Variants in ZNF610 observed in about 807,000 individuals in gnomAD.
ZNF610 encodes the protein zink finger protein.
Under a neutral mutation model 14.1 loss-of-function variants are expected in ZNF610, and 14 were observed. The observed-to-expected ratio is 0.99, with a 90% CI of 0.65 to 1.55. ZNF610 has a LOEUF of 1.55. ZNF610 is among the 40% of genes most tolerant of loss of function. The pLI is 0.00. For synonymous variants in ZNF610, 185 were observed against 187.6 expected (o/e 0.99, Z 0.11); for missense variants, 530 against 558.0 (o/e 0.95, Z 0.51).
chr19:52,354,138 A>G (rs1985403382), intron 4 of ZNF610, 113 bp from the exon 5 acceptor site: 2 of 1,434,186 alleles, frequency 1.4e-6, no homozygotes, highest in Admixed American at 2.1e-5. Context: ...CTGTGGGTGA[A>G]CTTGTGAGAT....
intron 1 of ZNF610, among the ~76,000 whole-genome samples, chr19:52,345,775 A>G (rs201497104): frequency 3.6e-4 from 54 of 148,602 alleles, no homozygotes; most frequent in Non-Finnish European, 6.7e-4. Context: ...GGTGATCTCG[A>G]CTCACTGCAA....
chr19:52,351,468 A>T (rs995606962), intron 3 of ZNF610, among the ~76,000 whole-genome samples: 30 of 151,950 alleles, frequency 2.0e-4, no homozygotes, highest in Non-Finnish European at 4.0e-4. Context: ...AAAAAAAAAA[A>T]AGAAAGAAAT....
rs1489523646 is a variant in ZNF610 at position 52,366,463 on chromosome 19, A to T, written c.1085A>T (p.His362Leu). 6.2e-7 allele frequency: 1 copy of T among 1,614,248 alleles called. No individual in the cohort carries two copies. The highest frequency in any genetic ancestry group is 1.3e-5 in the African/African-American group (1 of 75,060). Residue 362 changes from histidine to leucine, a missense_variant, in exon 6 of 6, where the codon CAT becomes CTT. His to Leu is a moderately conservative substitution (Grantham distance 99). Transcript: ENST00000403906. ...VFSLLSYLAR[H>L]QIIHSTEKPY... is the part of the protein sequence containing the mutation. ...AGTCTGCTTTCATACCTTGCACGGC[A>T]TCAAATAATTCATAGTACAGAGAAG...
chr19:52,343,748 G>A (rs575258723), intron 1 of ZNF610, among the ~76,000 whole-genome samples: 1 of 152,096 alleles, frequency 6.6e-6, no homozygotes, highest in African/African-American at 2.4e-5. Flanking sequence ...GGTGTTGGTC[G>A]AGGCTTCGGA....
At chr19:52,349,697 G>A (rs1985154967) in intron 3 of ZNF610, among the ~76,000 whole-genome samples, 1 of 151,858 alleles carries the variant, frequency 6.6e-6, no homozygotes, top group South Asian at 2.1e-4. Flanking sequence ...AGCCTCCTGA[G>A]TAGCTGAGAT....
intron 1 of ZNF610, 137 bp from the exon 2 acceptor site, chr19:52,347,570 G>A (rs1157787302): frequency 6.6e-6 from 1 of 152,200 alleles, no homozygotes; most frequent in Non-Finnish European, 1.5e-5. Flanking sequence ...AGGCCGGAAT[G>A]CAGTGGTGCG....
At position 52,340,358 on chromosome 19, in the gene ZNF610, G is replaced by C. The variant is rs567450236; in HGVS notation, c.-258+3852G>C. Among the ~76,000 whole-genome samples the C allele has an allele frequency of 4.6e-5, 7 of 152,300 alleles. No homozygotes were observed. The East Asian group carries it at 1.4e-3, about 29-fold the overall frequency. On this transcript the variant is annotated intron_variant, in intron 1 of 5. Transcript: ENST00000403906. Reference sequence around the variant, plus strand: ...AGACCGCGCCACTGCACTCCAGCCTGGGCGACAGTGAAACTCCGTCTCAAA... The same window carrying C: ...AGACCGCGCCACTGCACTCCAGCCTCGGCGACAGTGAAACTCCGTCTCAAA...
In ZNF610 at chr19:52,354,410, A is replaced by G. The variant is rs200269546; in HGVS notation, c.319+31A>G. ...AGCTCTGATGGGCAGTGTGGAGGCC[A>G]TAGTTTTTATTTTTTTATTTTTGAG... On this transcript the variant is annotated intron_variant, in intron 5 of 5. Transcript: ENST00000403906. 203 of 1,598,280 alleles carry G rather than the reference A, an allele frequency of 1.3e-4. 1 individual carries two copies. Among genetic ancestry groups the G allele is most frequent in the Admixed American group, 1.6e-4 (9 of 55,412 alleles).
At chr19:52,347,660 A>G (rs1985025374) in intron 1 of ZNF610, 47 bp from the exon 2 acceptor site, 2 of 152,060 alleles carry the variant, frequency 1.3e-5, no homozygotes, top group Admixed American at 6.6e-5. Context: ...GGGACTACAG[A>G]TGTGTTCCAC....
rs1232426242 is a variant in ZNF610, at chr19:52,354,344, C to A, written c.284C>A (p.Thr95Lys). ...AGTCAAGTTAAAATAGTAAAAAATA[C>A]AGATGGAAGGGAATGTGTCAGAAGC... ...LQSQVKIVKN[T>K]DGRECVRSVN... The change falls in exon 5 of 6, where the codon ACA (threonine) becomes AAA (lysine). Residue 95 changes from threonine to lysine, a missense_variant. Physicochemically the swap from Thr to Lys is moderately conservative, Grantham distance 78 (BLOSUM62 -1). Coordinates refer to ENST00000403906, the MANE Select transcript of ZNF610 (RefSeq NM_001161425.2). 6.2e-7 allele frequency: 1 copy of A among 1,613,928 alleles called. No individual in the cohort carries two copies. The highest frequency in any genetic ancestry group is 1.7e-5 in the Admixed American group (1 of 59,970).
chr19:52,366,036 A>G lies in ZNF610; in HGVS notation c.658A>G (p.Thr220Ala). Residue 220 changes from threonine (T) to alanine (A), a missense_variant, in exon 6 of 6, where the codon ACT (threonine) becomes GCT (alanine). Transcript: ENST00000403906. The part of the protein sequence containing the change: ...GEVFRVRASL[T>A]NHQVIHTAEK... ...AGTTTTTAGAGTCCGTGCAAGCCTT[A>G]CTAACCATCAAGTAATCCATACTGC... The G allele has an allele frequency of 6.2e-7, 1 of 1,614,128 alleles. No homozygotes were observed. The highest frequency in any genetic ancestry group is 8.5e-7 in the Non-Finnish European group (1 of 1,180,020).
At chr19:52,345,387 T>C (rs1460157148) in intron 1 of ZNF610, 1 of 152,228 alleles carries the variant, frequency 6.6e-6, no homozygotes, top group East Asian at 1.9e-4. Flanking sequence ...GCATTCCTTG[T>C]GTCTGTGGTG....
rs746678450 is a variant in ZNF610 at position 52,353,669 on chromosome 19, G to A, written c.64-13G>A. ...CATTTTTAGTGTTGTAAACAATGTG[G>A]TCCTCATTTTAGGGACGCTTGACAT... On this transcript the variant is annotated splice_polypyrimidine_tract_variant and intron_variant, in intron 3 of 5. Transcript: ENST00000403906. 7.4e-6 allele frequency: 12 copies of A among 1,613,190 alleles called. No individual in the cohort carries two copies. The Admixed American group carries it at 2.0e-4, about 27-fold the overall frequency.
chr19:52,360,039 C>T (rs534673914), intron 5 of ZNF610, among the ~76,000 whole-genome samples: 5 of 152,248 alleles, frequency 3.3e-5, no homozygotes, highest in African/African-American at 9.6e-5. Context: ...GCCCTCCCTG[C>T]GACCAGCATC....
chr19:52,336,726 A>C (rs767049261), intron 1 of ZNF610, among the ~76,000 whole-genome samples: 1 of 152,030 alleles, frequency 6.6e-6, no homozygotes, highest in Admixed American at 6.5e-5. Context: ...CCACACTTCT[A>C]ATAATTCAGC....
chr19:52,351,899 G>A (rs1985272129), intron 3 of ZNF610, among the ~76,000 whole-genome samples: 2 of 152,170 alleles, frequency 1.3e-5, no homozygotes, highest in Admixed American at 1.3e-4. Context: ...AGGGGCTCAG[G>A]CTAACGTGTT....
chr19:52,366,420 G>C lies in ZNF610; in HGVS notation c.1042G>C (p.Glu348Gln), dbSNP rs751230199. The C allele has an allele frequency of 2.5e-6, 4 of 1,614,056 alleles. No individual in the cohort carries two copies. Among genetic ancestry groups the C allele is most frequent in the Non-Finnish European group, 3.4e-6 (4 of 1,180,040 alleles). ...HTAEKPYKCNECGKVFSLLSY... is the reference protein window; with the variant it reads ...HTAEKPYKCNQCGKVFSLLSY... ...GGCGGAAAAACCTTACAAATGTAAT[G>C]AATGTGGCAAGGTCTTTAGTCTGCT... Residue 348 changes from glutamate to glutamine, a missense_variant, in exon 6 of 6, where the codon GAA becomes CAA. Glu to Gln is a conservative substitution (Grantham distance 29). Coordinates refer to ENST00000403906, the MANE Select transcript of ZNF610 (RefSeq NM_001161425.2).
intron 1 of ZNF610, chr19:52,345,307 C>G (rs1984884855): frequency 6.6e-6 from 1 of 152,218 alleles, no homozygotes; most frequent in Non-Finnish European, 1.5e-5. Context: ...TAAGATTACA[C>G]TGTTACACTG....
chr19:52,367,605 G>A lies in ZNF610; in HGVS notation c.*838G>A, dbSNP rs113465297. On this transcript the variant is annotated 3_prime_UTR_variant, in exon 6 of 6. Transcript: ENST00000403906. ...GACATAAAACAACATACGCTTCTGG[G>A]TGCAATATACTTAAGTAAGTATGAT... 3 of 48,636 alleles carry A rather than the reference G, an allele frequency of 6.2e-5. No individual in the cohort carries two copies. The highest frequency in any genetic ancestry group is 3.4e-4 in the African/African-American group (3 of 8,756). The allele number at this position is 48,636 out of a possible 1,614,324, so 3.0% of individuals were successfully genotyped here.
Sources: allele counts gnomAD v4.1 joint callset (sites outside exome capture counted in the v4.1 genomes callset), GRCh38; gene constraint gnomAD v4.1.1; transcripts MANE v1.5; gene names NCBI Gene and HGNC (gene_info 2026-07-23, HGNC 2026-07-21).